CDC14A: variants seen among roughly 807,000 people sequenced by gnomAD.
CDC14A encodes the protein dual specificity protein phosphatase CDC14A.
CDC14A carries 53 observed loss-of-function variants against 74.4 expected under a neutral mutation model. The observed-to-expected ratio is 0.71, with a 90% CI of 0.57 to 0.89. The LOEUF (loss-of-function observed/expected upper bound fraction) is 0.89, where lower values mean the gene tolerates loss of function less well. Ranked by LOEUF, CDC14A falls within the 40% of genes least tolerant of loss-of-function variation. The pLI is 0.00. For missense variants in CDC14A, 646 were observed against 713.7 expected (o/e 0.91, Z 1.08); for synonymous variants, 247 against 258.4 (o/e 0.96, Z 0.43).
At chr1:100,498,811 C>A in intron 14 of CDC14A, 118 bp from the exon 15 acceptor site, 1 of 1,356,532 alleles carries the variant, frequency 7.4e-7, no homozygotes, top group East Asian at 2.5e-5. Flanking sequence ...TCACATTGAT[C>A]AGATTCATCT....
At chr1:100,356,462 C>T (rs1421198393) in intron 2 of CDC14A, among the ~76,000 whole-genome samples, 1 of 151,902 alleles carries the variant, frequency 6.6e-6, no homozygotes, top group Non-Finnish European at 1.5e-5. Flanking sequence ...GAGTTTGAAA[C>T]CAAGTCATCT....
intron 10 of CDC14A, among the ~76,000 whole-genome samples, chr1:100,471,050 G>GAATATATCAT: frequency 6.6e-6 from 1 of 152,018 alleles, no homozygotes; most frequent in South Asian, 2.1e-4. Context: ...ATTTATGAGT[G>GAATATATCAT]AATATATCAT....
At chr1:100,351,185 C>A (rs1299967210), upstream of CDC14A, among the ~76,000 whole-genome samples, 1 of 151,770 alleles carries the variant, frequency 6.6e-6, no homozygotes, top group East Asian at 1.9e-4. Context: ...CAGAGCGAGA[C>A]CCTGTCTAAA....
intron 4 of CDC14A, chr1:100,393,597 T>G (rs1456058058): frequency 2.9e-6 from 2 of 696,016 alleles, no homozygotes; most frequent in Non-Finnish European, 5.4e-6. Flanking sequence ...AGTTTACTTC[T>G]CCACCAGCAC....
intron 11 of CDC14A, chr1:100,484,813 C>G: frequency 1.0e-6 from 1 of 987,230 alleles, no homozygotes; most frequent in South Asian, 4.7e-5. Context: ...GCTTTGAAAG[C>G]CTCAAATTCA....
At chr1:100,448,295 A>C (rs1172442685) in intron 7 of CDC14A, among the ~76,000 whole-genome samples, 1 of 152,128 alleles carries the variant, frequency 6.6e-6, no homozygotes, top group Non-Finnish European at 1.5e-5. Context: ...CCCTGCCATA[A>C]CTCATTCCTT....
At chr1:100,477,153 GA>G (rs968375433) in intron 10 of CDC14A, among the ~76,000 whole-genome samples, 61 of 152,280 alleles carry the variant, frequency 4.0e-4, no homozygotes, top group African/African-American at 1.4e-3. Context: ...CAGTGAAACT[GA>G]TTTCAGACTT....
At position 100,484,303 on chromosome 1, in the gene CDC14A, C is replaced by A; in HGVS notation, c.989C>A (p.Ser330Ter). The A allele has an allele frequency of 6.4e-7, 1 of 1,559,250 alleles. No individual in the cohort carries two copies. The highest frequency in any genetic ancestry group is 1.2e-5 in the South Asian group (1 of 82,408). Residue 330 changes from serine to a stop codon, truncating the protein, a stop_gained, in exon 11 of 16, where the codon TCG becomes TAG. Transcript: ENST00000336454. LOFTEE classifies it high-confidence loss of function. The stretch of plus-strand genomic sequence containing the variant: ...TGTTTTTTATACAGAAAACAAGCAT[C>A]GTTGTGGGTCCAAGGAGACATTTTC... ...QQHFLEEKQA[S>*]LWVQGDIFRS...
upstream of CDC14A, among the ~76,000 whole-genome samples, chr1:100,349,148 A>T (rs1650697589): frequency 6.6e-6 from 1 of 152,016 alleles, no homozygotes; most frequent in Admixed American, 6.6e-5. Flanking sequence ...ATGAGCCCAG[A>T]TGGTGCCACT....
intron 3 of CDC14A, among the ~76,000 whole-genome samples, chr1:100,388,643 G>A (rs1657205948): frequency 6.6e-6 from 1 of 152,060 alleles, no homozygotes; most frequent in African/African-American, 2.4e-5. Flanking sequence ...TTCTTGTTCT[G>A]TTGCCCAGGC....
intron 1 of CDC14A, chr1:100,345,191 T>A (rs1650311529): frequency 1.3e-5 from 2 of 152,234 alleles, no homozygotes; most frequent in Admixed American, 6.5e-5. Flanking sequence ...TCTGTGAGTG[T>A]ATATTTTAAT....
At chr1:100,357,942 A>G (rs1418931549) in intron 2 of CDC14A, among the ~76,000 whole-genome samples, 1 of 152,180 alleles carries the variant, frequency 6.6e-6, no homozygotes, top group African/African-American at 2.4e-5. Context: ...ACCTTCTGAG[A>G]TGCTGGTGGA....
chr1:100,369,962 C>A (rs1007927673), intron 2 of CDC14A, among the ~76,000 whole-genome samples: 2 of 151,102 alleles, frequency 1.3e-5, no homozygotes, highest in African/African-American at 4.9e-5. Context: ...AGATGTATGC[C>A]ACCACACCTG....
At position 100,499,440 on chromosome 1, in the gene CDC14A, C is replaced by A. The variant is rs535992089; in HGVS notation, c.1755+178C>A. The A allele has an allele frequency of 1.2e-5, 18 of 1,492,274 alleles. No individual in the cohort carries two copies. In the African/African-American group the frequency reaches 2.4e-4, roughly 20 times the overall value. 92.4% of individuals were successfully genotyped at this position (1,492,274 alleles called of 1,614,324 possible). On this transcript the variant is annotated intron_variant, in intron 15 of 15. Coordinates refer to ENST00000336454, the MANE Select transcript of CDC14A (RefSeq NM_003672.4). The stretch of plus-strand genomic sequence containing the variant: ...GCACTACATTCTGCTAGCTCCTCTT[C>A]AAGTAAACGCCAAGTCACAACTGGG...
chr1:100,472,746 G>A (rs966080242), intron 10 of CDC14A, among the ~76,000 whole-genome samples: 6 of 151,544 alleles, frequency 4.0e-5, no homozygotes, highest in African/African-American at 1.2e-4. Context: ...ATTTCATAAC[G>A]TGTGAGACTT....
intron 4 of CDC14A, among the ~76,000 whole-genome samples, chr1:100,420,063 C>CACACACACACATATAT: frequency 5.4e-4 from 33 of 61,594 alleles, no homozygotes; most frequent in African/African-American, 1.3e-3. Context: ...CACACACACA[C>CACACACACACATATAT]ATATATATAT....
intron 2 of CDC14A, among the ~76,000 whole-genome samples, chr1:100,356,557 TA>T (rs1557675470): frequency 6.6e-6 from 1 of 151,798 alleles, no homozygotes; most frequent in South Asian, 2.1e-4. Context: ...AGAGCCCACT[TA>T]AAAAAATTCA....
intron 2 of CDC14A, among the ~76,000 whole-genome samples, chr1:100,364,307 A>G (rs1653251815): frequency 6.6e-6 from 1 of 151,388 alleles, no homozygotes; most frequent in South Asian, 2.1e-4. Context: ...TCCCAGGTTC[A>G]AGCGATTCTC....
intron 11 of CDC14A, among the ~76,000 whole-genome samples, chr1:100,489,619 T>A (rs1670418023): frequency 6.6e-6 from 1 of 151,840 alleles, no homozygotes; most frequent in Non-Finnish European, 1.5e-5. Flanking sequence ...TGGTACAATA[T>A]TTTAGTTTAC....
Sources: allele counts gnomAD v4.1 joint callset (sites outside exome capture counted in the v4.1 genomes callset), GRCh38; gene constraint gnomAD v4.1.1; transcripts MANE v1.5; gene names NCBI Gene and HGNC (gene_info 2026-07-23, HGNC 2026-07-21).